STK36: variants seen among roughly 807,000 people sequenced by gnomAD.
The protein encoded by STK36 is serine/threonine-protein kinase 36.
Under a neutral mutation model 142.2 loss-of-function variants are expected in STK36, and 116 were observed. That is an observed-to-expected ratio of 0.82 (90% CI 0.70 to 0.95). The LOEUF (loss-of-function observed/expected upper bound fraction) is 0.95, where lower values mean the gene tolerates loss of function less well. Among genes scored for constraint, STK36 ranks in the 40% least tolerant of loss-of-function variants. The pLI, the probability that STK36 is intolerant of heterozygous loss-of-function variation, is 0.00. For missense variants in STK36, 1,422 were observed against 1,617.2 expected (o/e 0.88, Z 2.07); for synonymous variants, 619 against 641.7 (o/e 0.96, Z 0.53).
chr2:218,676,375 G>T, intron 6 of STK36, 97 bp downstream of exon 6: 1 of 1,471,040 alleles, frequency 6.8e-7, no homozygotes, highest in Non-Finnish European at 9.1e-7. Flanking sequence ...GCTGAGGCGG[G>T]ACTTTGCAGT....
At position 218,672,213 on chromosome 2, in the gene STK36, A is replaced by G. The variant is rs919275224; in HGVS notation, c.-92A>G. ...CTTCTCACCAGTTCTAGCGAGTAAA[A>G]TTGTAAGAAAGGGAGCCGAAAGAGA... On this transcript the variant is annotated splice_region_variant and 5_prime_UTR_variant, in exon 1 of 27. Coordinates refer to ENST00000295709, the MANE Select transcript of STK36 (RefSeq NM_015690.5). 10 of 559,432 alleles carry G rather than the reference A, an allele frequency of 1.8e-5. No individual in the cohort carries two copies. In the African/African-American group the frequency reaches 1.9e-4, roughly 11 times the overall value. 34.7% of individuals were successfully genotyped at this position (559,432 alleles called of 1,614,324 possible).
intron 13 of STK36, 137 bp downstream of exon 13, chr2:218,690,093 C>T (rs990307142): frequency 1.3e-5 from 11 of 816,216 alleles, no homozygotes; most frequent in Non-Finnish European, 1.8e-5. Flanking sequence ...TGAGTGGCCA[C>T]TCATAGTCCT....
intron 17 of STK36, among the ~76,000 whole-genome samples, 160 bp from the exon 18 acceptor site, chr2:218,693,563 T>C (rs1941097318): frequency 6.6e-6 from 1 of 152,136 alleles, no homozygotes; most frequent in Admixed American, 6.5e-5. Context: ...AGGGTCCCTG[T>C]CTCACTATCT....
intron 17 of STK36, among the ~76,000 whole-genome samples, 174 bp from the exon 18 acceptor site, chr2:218,693,549 G>A (rs1056754908): frequency 1.3e-5 from 2 of 152,162 alleles, no homozygotes; most frequent in South Asian, 2.1e-4. Flanking sequence ...CAGCGGAACC[G>A]AGAAGGGTCC....
chr2:218,673,737 T>C lies in STK36; in HGVS notation c.197T>C (p.Met66Thr), dbSNP rs774840119. The change falls in exon 3 of 27, where the codon ATG (methionine) becomes ACG (threonine). Residue 66 changes from methionine (M) to threonine (T), a missense_variant. Physicochemically the swap from Met to Thr is moderately conservative, Grantham distance 81. Coordinates refer to ENST00000295709, the MANE Select transcript of STK36 (RefSeq NM_015690.5). ...RGLRHPNIVH[M>T]LDSFETDKEV... Reference sequence around the variant, plus strand: ...CTGCGGCATCCCAACATTGTGCATATGCTTGACAGCTTTGAAACTGATAAA... The same window carrying C: ...CTGCGGCATCCCAACATTGTGCATACGCTTGACAGCTTTGAAACTGATAAA... 1 of 1,614,184 alleles carries C rather than the reference T, an allele frequency of 6.2e-7. No homozygotes were observed. The highest frequency in any genetic ancestry group is 1.1e-5 in the South Asian group (1 of 91,064).
chr2:218,672,155 A>C lies in STK36; in HGVS notation c.-150A>C, dbSNP rs2106339650. On this transcript the variant is annotated 5_prime_UTR_variant, in exon 1 of 27. Transcript: ENST00000295709. ...AGTGCCCATGTGTGGTCCGCCGTCC[A>C]TTCCACACCTCTGAGCGCCTTTGTC... 3.1e-6 allele frequency: 2 copies of C among 652,870 alleles called. No homozygotes were observed. The highest frequency in any genetic ancestry group is 5.4e-6 in the Non-Finnish European group (2 of 373,164). 40.4% of individuals were successfully genotyped at this position (652,870 alleles called of 1,614,324 possible). A position where few individuals can be genotyped will look rare whatever the true frequency, so the allele number is the denominator to read the frequency against.
At position 218,689,762 on chromosome 2, in the gene STK36, A is replaced by G. The variant is rs117929541; in HGVS notation, c.1561-97A>G. The G allele has an allele frequency of 2.6e-5, 29 of 1,098,594 alleles. No homozygotes were observed. The East Asian group carries it at 5.2e-4, about 20-fold the overall frequency. The allele number at this position is 1,098,594 out of a possible 1,614,324, so 68.1% of individuals were successfully genotyped here. A position where few individuals can be genotyped will look rare whatever the true frequency, so the allele number is the denominator to read the frequency against. ...TCTTCTGTCCCTTTCTGTTTGATCA[A>G]CTTGACTGGGTCTCTATACACCCTT... is the stretch of plus-strand genomic sequence containing the variant. On this transcript the variant is annotated intron_variant, in intron 12 of 26. Coordinates refer to ENST00000295709, the MANE Select transcript of STK36 (RefSeq NM_015690.5).
In STK36 at chr2:218,679,201, C is replaced by T. The variant is rs35038757; in HGVS notation, c.718C>T (p.Arg240Trp). 4.9e-4 allele frequency: 790 copies of T among 1,614,186 alleles called. 8 individuals carry two copies. In the East Asian group the frequency reaches 0.014, roughly 29 times the overall value. Reference sequence around the variant, plus strand: ...GCAGGGACTGCTCACCAAAGACCCACGGCAGCGACTGTCCTGGCCAGACCT... The same window carrying T: ...GCAGGGACTGCTCACCAAAGACCCATGGCAGCGACTGTCCTGGCCAGACCT... ...FLQGLLTKDPRQRLSWPDLLY... is the reference protein window; with the variant it reads ...FLQGLLTKDPWQRLSWPDLLY... The change falls in exon 7 of 27, where the codon CGG becomes TGG. Residue 240 changes from arginine to tryptophan, a missense_variant. Coordinates refer to ENST00000295709, the MANE Select transcript of STK36 (RefSeq NM_015690.5).
intron 14 of STK36, among the ~76,000 whole-genome samples, chr2:218,691,164 G>A (rs916005338): frequency 6.6e-6 from 1 of 152,140 alleles, no homozygotes; most frequent in Non-Finnish European, 1.5e-5. Flanking sequence ...TAAGGGACAG[G>A]AGAATGGAGG....
At position 218,689,873 on chromosome 2, in the gene STK36, G is replaced by A. The variant is rs1177510975; in HGVS notation, c.1575G>A (p.Gly525=). The A allele has an allele frequency of 3.1e-6, 5 of 1,609,984 alleles. No individual in the cohort carries two copies. Among genetic ancestry groups the A allele is most frequent in the African/African-American group, 2.7e-5 (2 of 74,984 alleles). ...SNSLQQQSWY[G]TFLQDLMAVI... Reference sequence around the variant, plus strand: ...TTCCTGGGCAGCAATCTTGGTATGGGACCTTCTTACAGGACCTGATGGCTG... The same window carrying A: ...TTCCTGGGCAGCAATCTTGGTATGGAACCTTCTTACAGGACCTGATGGCTG... The change falls in exon 13 of 27, where the codon GGG becomes GGA. Residue 525 remains glycine (G), a synonymous_variant. Coordinates refer to ENST00000295709, the MANE Select transcript of STK36 (RefSeq NM_015690.5).
intron 26 of STK36, among the ~76,000 whole-genome samples, chr2:218,700,446 G>A (rs1001206649): frequency 6.6e-6 from 1 of 151,594 alleles, no homozygotes; most frequent in African/African-American, 2.4e-5. Context: ...CTGTTGCCCA[G>A]GCTGGAGTAC....
chr2:218,701,225 C>T (rs1434376703), intron 26 of STK36, among the ~76,000 whole-genome samples: 9 of 150,968 alleles, frequency 6.0e-5, no homozygotes, highest in African/African-American at 1.9e-4. Flanking sequence ...AGCTCTGCCT[C>T]CCGGGTTCAC....
chr2:218,699,404 A>G, intron 26 of STK36, 56 bp downstream of exon 26: 1 of 1,559,770 alleles, frequency 6.4e-7, no homozygotes, highest in South Asian at 1.2e-5. Context: ...AGTTGACAAC[A>G]TTTCTCTGAG....
At position 218,679,268 on chromosome 2, in the gene STK36, C is replaced by T; in HGVS notation, c.778+7C>T. On this transcript the variant is annotated splice_region_variant and intron_variant, in intron 7 of 26. Transcript: ENST00000295709. Reference sequence around the variant, plus strand: ...ATTGCTGGTCATGTCACCAGTGAGTCATCAGGGTTCCCAGGGCTCTTGGAC... The same window carrying T: ...ATTGCTGGTCATGTCACCAGTGAGTTATCAGGGTTCCCAGGGCTCTTGGAC... The T allele has an allele frequency of 6.2e-7, 1 of 1,613,806 alleles. No individual in the cohort carries two copies. Among genetic ancestry groups the T allele is most frequent in the Non-Finnish European group, 8.5e-7 (1 of 1,179,756 alleles).
At chr2:218,677,301 G>C (rs1940300346) in intron 6 of STK36, among the ~76,000 whole-genome samples, 1 of 152,168 alleles carries the variant, frequency 6.6e-6, no homozygotes, top group Non-Finnish European at 1.5e-5. Flanking sequence ...CAGCAAGGGG[G>C]AAGTCCTCCC....
chr2:218,694,096 G>A lies in STK36; in HGVS notation c.2336+113G>A. The A allele has an allele frequency of 7.9e-7, 1 of 1,270,954 alleles. No individual in the cohort carries two copies. Among genetic ancestry groups the A allele is most frequent in the Non-Finnish European group, 1.1e-6 (1 of 876,592 alleles). 78.7% of individuals were successfully genotyped at this position (1,270,954 alleles called of 1,614,324 possible). On this transcript the variant is annotated intron_variant, in intron 19 of 26. Transcript: ENST00000295709. This position sits in a 1 kb window ranked among gnomAD's most constrained non-coding sequence, Gnocchi z 4.4. ...CATATCCTTAGGAGGAATTGGGATA[G>A]AGAGCGTGAAGCTTTCTCTACAAAG...
chr2:218,701,997 C>G lies in STK36; in HGVS notation c.3936C>G (p.Ala1312=), dbSNP rs1179622260. 2 of 1,613,930 alleles carry G rather than the reference C, an allele frequency of 1.2e-6. No homozygotes were observed. The highest frequency in any genetic ancestry group is 1.7e-6 in the Non-Finnish European group (2 of 1,179,884). ...CRKLIHLLRP[A]HSM ...AACTCATTCACCTCCTGAGGCCAGC[C>G]CATAGCATGTGATTCCAGATTCCTG... The change falls in exon 27 of 27, where the codon GCC becomes GCG. Residue 1312 remains alanine (A), a synonymous_variant. Transcript: ENST00000295709.
At chr2:218,673,281 A>T (rs1940072960) in intron 2 of STK36, 2 of 383,298 alleles carry the variant, frequency 5.2e-6, no homozygotes, top group East Asian at 9.8e-5. Flanking sequence ...TCTCTAGCAC[A>T]CCATGTAATA....
At chr2:218,689,751 C>G (rs1215792004) in intron 12 of STK36, 108 bp from the exon 13 acceptor site, 1 of 950,252 alleles carries the variant, frequency 1.1e-6, no homozygotes, top group Non-Finnish European at 1.6e-6. Flanking sequence ...CTGTCCCTTT[C>G]TGTTTGATCA....
Sources: gnomAD v4.1 joint callset for allele counts (sites outside exome capture counted in the v4.1 genomes callset) on GRCh38, gnomAD v4.1.1 for gene constraint, Gnocchi (gnomAD v3.1) non-coding constraint, MANE v1.5 for transcripts, NCBI Gene and HGNC (gene_info 2026-07-23, HGNC 2026-07-21) for gene names.